The following FKBP8 variants were observed in gnomAD, a reference collection of about 807,000 sequenced individuals.
FKBP8 encodes the protein peptidyl-prolyl cis-trans isomerase FKBP8.
A neutral mutation model predicts 41.7 loss-of-function variants in FKBP8; 5 were observed. The ratio of observed to expected loss-of-function variants is 0.12; its 90% CI spans 0.06 to 0.25. The LOEUF is 0.25. FKBP8 is among the 10% of genes least tolerant of loss of function. The pLI is 1.00. For synonymous variants in FKBP8, 279 were observed against 254.5 expected (o/e 1.10, Z -0.92); for missense variants, 397 against 563.0 (o/e 0.71, Z 2.98).
At chr19:18,532,595 T>C (rs1170825656) in intron 8 of FKBP8, 69 bp downstream of exon 8, 14 of 1,579,752 alleles carry the variant, frequency 8.9e-6, no homozygotes, top group Non-Finnish European at 1.2e-5. Context: ...CATCCATGTA[T>C]GCAAAATAAA....
At chr19:18,540,058 A>G (rs1467207394) in intron 2 of FKBP8, among the ~76,000 whole-genome samples, 3 of 152,002 alleles carry the variant, frequency 2.0e-5, no homozygotes, top group Non-Finnish European at 2.9e-5. Context: ...TGAGAGGCCA[A>G]TGTGGGAGAA....
At position 18,539,663 on chromosome 19, in the gene FKBP8, G is replaced by A. The variant is rs139527778; in HGVS notation, c.350C>T (p.Pro117Leu). 2.5e-4 allele frequency: 405 copies of A among 1,611,694 alleles called. No individual in the cohort carries two copies. The highest frequency in any genetic ancestry group is 3.2e-4 in the Non-Finnish European group (373 of 1,180,022). Residue 117 changes from proline (P) to leucine (L), a missense_variant, in exon 3 of 9, where the codon CCG becomes CTG. Coordinates refer to ENST00000608443, the MANE Select transcript of FKBP8 (RefSeq NM_012181.5). Reference sequence around the variant, plus strand: ...TACGGTGACCACCTGGCCCTTGACCGGGCGGCTCGAACCTGGCGGCCCTGG... The same window carrying A: ...TACGGTGACCACCTGGCCCTTGACCAGGCGGCTCGAACCTGGCGGCCCTGG... The part of the protein sequence containing the change: ...LVPGPPGSSR[P>L]VKGQVVTVHL...
chr19:18,533,485 A>C, intron 6 of FKBP8, 138 bp from the exon 7 acceptor site: 1 of 504,926 alleles, frequency 2.0e-6, no homozygotes. Flanking sequence ...ACTCCATCTC[A>C]AAAAATAAAA....
At chr19:18,539,334 T>G in intron 4 of FKBP8, 37 bp downstream of exon 4, 5 of 1,571,624 alleles carry the variant, frequency 3.2e-6, no homozygotes, top group Non-Finnish European at 2.6e-6. Flanking sequence ...ATCCCCCTCC[T>G]GAGACCTGCA....
At chr19:18,540,006 T>G (rs1315673863) in intron 2 of FKBP8, among the ~76,000 whole-genome samples, 1 of 151,960 alleles carries the variant, frequency 6.6e-6, no homozygotes, top group Non-Finnish European at 1.5e-5. Flanking sequence ...TTTTTGTTTT[T>G]TTTTTTTAAG....
intron 6 of FKBP8, among the ~76,000 whole-genome samples, chr19:18,535,609 T>G (rs1194572286): frequency 6.7e-6 from 1 of 149,588 alleles, no homozygotes; most frequent in Non-Finnish European, 1.5e-5. Context: ...CCGTCTATAC[T>G]AAAAATACAA....
At chr19:18,539,794 C>G (rs920965987) in intron 2 of FKBP8, 74 bp from the exon 3 acceptor site, 173 of 1,542,846 alleles carry the variant, frequency 1.1e-4, no homozygotes, top group Non-Finnish European at 1.5e-4. Flanking sequence ...AGCCCCCACT[C>G]CTACCCTCAG....
chr19:18,540,560 C>G (rs1976674846), intron 2 of FKBP8, among the ~76,000 whole-genome samples: 1 of 151,982 alleles, frequency 6.6e-6, no homozygotes, highest in Non-Finnish European at 1.5e-5. Flanking sequence ...ATGGTGAGAC[C>G]CTGTCTCCAC....
chr19:18,531,972 GC>G lies in FKBP8; in HGVS notation c.*196del, dbSNP rs1311224866. ...GAAAACTGGGTCTGAAGGAATGAGG[GC>G]CCCCTCCCTCTGGGCTTTCCTCCTA... On this transcript the variant is annotated 3_prime_UTR_variant, in exon 9 of 9. Transcript: ENST00000608443. 2.0e-5 allele frequency: 12 copies of G among 593,170 alleles called. No homozygotes were observed. Among genetic ancestry groups the G allele is most frequent in the Non-Finnish European group, 3.1e-5 (10 of 327,862 alleles). 36.7% of individuals were successfully genotyped at this position (593,170 alleles called of 1,614,324 possible).
Position 18,537,464 on chromosome 19 carries a change from T to C in FKBP8, c.945+137A>G, listed in dbSNP as rs1431698579. On this transcript the variant is annotated intron_variant, in intron 6 of 8. Coordinates refer to ENST00000608443, the MANE Select transcript of FKBP8 (RefSeq NM_012181.5). The surrounding 1 kb of genome is among the most constrained non-coding windows in gnomAD (Gnocchi z 4.4). ...ACCAGGCCACACTCCTGCACCCGTC[T>C]GGGCCTCAGTTTCTCCACCTGCACC... 6 of 749,654 alleles carry C rather than the reference T, an allele frequency of 8.0e-6. No homozygotes were observed. The highest frequency in any genetic ancestry group is 7.2e-5 in the African/African-American group (4 of 55,568). The allele number at this position is 749,654 out of a possible 1,614,324, so 46.4% of individuals were successfully genotyped here.
At chr19:18,533,711 GAA>G (rs924010663) in intron 6 of FKBP8, among the ~76,000 whole-genome samples, 1 of 133,206 alleles carries the variant, frequency 7.5e-6, no homozygotes. Flanking sequence ...CTTAAAAAAA[GAA>G]AAAAAAAAAA....
At chr19:18,534,352 T>A (rs1026281600) in intron 6 of FKBP8, among the ~76,000 whole-genome samples, 4 of 152,142 alleles carry the variant, frequency 2.6e-5, no homozygotes, top group Non-Finnish European at 5.9e-5. Context: ...TCCTGGCTAC[T>A]CATACAAGTG....
Position 18,538,530 on chromosome 19 carries a change from C to T in FKBP8, c.552-94G>A. The T allele has an allele frequency of 1.0e-6, 1 of 1,004,836 alleles. No individual in the cohort carries two copies. Among genetic ancestry groups the T allele is most frequent in the East Asian group, 2.6e-5 (1 of 38,234 alleles). The allele number at this position is 1,004,836 out of a possible 1,614,324, so 62.2% of individuals were successfully genotyped here. A position where few individuals can be genotyped will look rare whatever the true frequency, so the allele number is the denominator to read the frequency against. ...GGAAGGAGTGAGCTTGGCTCAAGCCCCCGATCTGTCTCCCCTCTGCCCTCC... is the reference window on the plus strand; with the variant it reads ...GGAAGGAGTGAGCTTGGCTCAAGCCTCCGATCTGTCTCCCCTCTGCCCTCC... On this transcript the variant is annotated intron_variant, in intron 4 of 8. Coordinates refer to ENST00000608443, the MANE Select transcript of FKBP8 (RefSeq NM_012181.5). This position sits in a 1 kb window ranked among gnomAD's most constrained non-coding sequence, Gnocchi z 4.0.
chr19:18,532,293 G>T, intron 8 of FKBP8, 38 bp from the exon 9 acceptor site: 1 of 1,545,770 alleles, frequency 6.5e-7, no homozygotes, highest in Non-Finnish European at 8.8e-7. Flanking sequence ...GGTGGAGGGA[G>T]GTCAAGACTG....
intron 2 of FKBP8, 127 bp from the exon 3 acceptor site, chr19:18,539,847 G>A: frequency 8.8e-7 from 1 of 1,135,468 alleles, no homozygotes; most frequent in Non-Finnish European, 1.3e-6. Context: ...CCAACACTGG[G>A]GCACAAACCA....
chr19:18,537,978 A>T lies in FKBP8; in HGVS notation c.773-205T>A, dbSNP rs1976618011. 4.5e-6 allele frequency: 3 copies of T among 671,544 alleles called. No individual in the cohort carries two copies. The highest frequency in any genetic ancestry group is 5.9e-5 in the Admixed American group (2 of 33,840). 41.6% of individuals were successfully genotyped at this position (671,544 alleles called of 1,614,324 possible). ...AGGGCCTAGCCTGTGGTACATGTGA[A>T]CTGGCCCTGTCTATGGTCACCCCAT... On this transcript the variant is annotated intron_variant, in intron 5 of 8. Coordinates refer to ENST00000608443, the MANE Select transcript of FKBP8 (RefSeq NM_012181.5). The surrounding 1 kb of genome is among the most constrained non-coding windows in gnomAD (Gnocchi z 4.4).
chr19:18,533,704 A>T (rs1274550826), intron 6 of FKBP8, among the ~76,000 whole-genome samples: 2 of 151,114 alleles, frequency 1.3e-5, no homozygotes, highest in East Asian at 1.9e-4. Context: ...ACCCTGTCTT[A>T]AAAAAAGAAA....
In FKBP8 at chr19:18,541,849, T is replaced by A; in HGVS notation, c.122A>T (p.Glu41Val). The change falls in exon 2 of 9, where the codon GAG becomes GTG. Residue 41 changes from glutamate to valine, a missense_variant. Around this residue, in one of 2 missense-constraint regions of FKBP8, gnomAD observed 172 missense variants for 196.2 expected, o/e 0.88. Coordinates refer to ENST00000608443, the MANE Select transcript of FKBP8 (RefSeq NM_012181.5). ...CAGGTCATCCTCTTCCTCCTCTTCC[T>A]CCTCCTCTTCCTCCTCACCCTCTGC... The part of the protein sequence containing the change: ...EDAEGEEEEE[E>V]EEEEEDDLSE... The A allele has an allele frequency of 6.2e-7, 1 of 1,613,236 alleles. No homozygotes were observed. Among genetic ancestry groups the A allele is most frequent in the Non-Finnish European group, 8.5e-7 (1 of 1,179,636 alleles).
chr19:18,537,546 C>G lies in FKBP8; in HGVS notation c.945+55G>C. The G allele has an allele frequency of 6.7e-7, 1 of 1,494,710 alleles. No homozygotes were observed. Among genetic ancestry groups the G allele is most frequent in the Admixed American group, 2.1e-5 (1 of 46,832 alleles). 92.6% of individuals were successfully genotyped at this position (1,494,710 alleles called of 1,614,324 possible). On this transcript the variant is annotated intron_variant, in intron 6 of 8. Coordinates refer to ENST00000608443, the MANE Select transcript of FKBP8 (RefSeq NM_012181.5). The surrounding 1 kb of genome is among the most constrained non-coding windows in gnomAD (Gnocchi z 4.4). Reference sequence around the variant, plus strand: ...CCTTTCTCAAATGCAGGGTTGGGGACCACCCCGTATACCCCAGGCTGAGTG... The same window carrying G: ...CCTTTCTCAAATGCAGGGTTGGGGAGCACCCCGTATACCCCAGGCTGAGTG...
Sources: allele counts gnomAD v4.1 joint callset (sites outside exome capture counted in the v4.1 genomes callset), GRCh38; gene constraint gnomAD v4.1.1; regional missense constraint gnomAD v4.1.1; non-coding constraint Gnocchi (gnomAD v3.1); transcripts MANE v1.5; gene names NCBI Gene and HGNC (gene_info 2026-07-23, HGNC 2026-07-21).